The following SGCG variants were observed in gnomAD, a reference collection of about 807,000 sequenced individuals.
The protein encoded by SGCG is sarcoglycan gamma.
Under a neutral mutation model 29.3 loss-of-function variants are expected in SGCG, and 26 were observed. That is an observed-to-expected ratio of 0.89 (90% CI 0.65 to 1.23). SGCG has a LOEUF of 1.23. SGCG is among the 50% of genes most tolerant of loss of function. The pLI, the probability that SGCG is intolerant of heterozygous loss-of-function variation, is 0.00. For missense variants in SGCG, 353 were observed against 356.0 expected (o/e 0.99, Z 0.07); for synonymous variants, 145 against 129.7 (o/e 1.12, Z -0.80).
intron 2 of SGCG, among the ~76,000 whole-genome samples, chr13:23,204,739 T>C (rs1489322853): frequency 7.2e-6 from 1 of 138,856 alleles, no homozygotes; most frequent in African/African-American, 2.7e-5. Flanking sequence ...GGAGTCTCAC[T>C]CTGTTGCCCA....
intron 4 of SGCG, among the ~76,000 whole-genome samples, chr13:23,254,359 G>A (rs1394325593): frequency 6.6e-6 from 1 of 152,174 alleles, no homozygotes; most frequent in Non-Finnish European, 1.5e-5. Flanking sequence ...GAGCTTAGCT[G>A]CATTGTGTCC....
chr13:23,176,237 A>G (rs1223897159), upstream of SGCG, among the ~76,000 whole-genome samples: 1 of 152,168 alleles, frequency 6.6e-6, no homozygotes, highest in Non-Finnish European at 1.5e-5. Context: ...AAAAACTAAT[A>G]AAGCTGGTGT....
chr13:23,279,709 C>CCCTGCCTTCCTTCCTTCCTTCCTT (rs1881229424), intron 5 of SGCG, among the ~76,000 whole-genome samples: 1 of 148,032 alleles, frequency 6.8e-6, no homozygotes, highest in African/African-American at 2.4e-5. Flanking sequence ...TACCCTTTGT[C>CCCTGCCTTCCTTCCTTCCTTCCTT]CCTTCCTTCC....
rs928157820 is a variant in SGCG at position 23,242,089 on chromosome 13, G to A, written c.297+7377G>A. 2.6e-5 allele frequency among the ~76,000 whole-genome samples: 4 copies of A among 152,126 alleles called. No homozygotes were observed. In the South Asian group the frequency reaches 8.3e-4, roughly 31 times the overall value. On this transcript the variant is annotated intron_variant, in intron 3 of 7. Transcript: ENST00000218867. Reference sequence around the variant, plus strand: ...TTATCAATATCAGTGATGGTAGAAGGGACACTGCTATGAATCCCACAGACA... The same window carrying A: ...TTATCAATATCAGTGATGGTAGAAGAGACACTGCTATGAATCCCACAGACA...
chr13:23,189,397 G>A (rs930350371), intron 1 of SGCG, among the ~76,000 whole-genome samples: 12 of 152,260 alleles, frequency 7.9e-5, no homozygotes, highest in African/African-American at 2.6e-4. Context: ...GGCTGGTGTC[G>A]AACTCCTGAG....
chr13:23,276,280 G>A (rs547967980), intron 4 of SGCG, among the ~76,000 whole-genome samples: 13 of 152,092 alleles, frequency 8.5e-5, no homozygotes, highest in African/African-American at 2.6e-4. Flanking sequence ...AGTGGAAAGC[G>A]TATTTAAATT....
chr13:23,303,940 A>C (rs986267640), intron 6 of SGCG, among the ~76,000 whole-genome samples: 1 of 152,146 alleles, frequency 6.6e-6, no homozygotes, highest in Non-Finnish European at 1.5e-5. Context: ...AAATATTTTA[A>C]ATTTTGCCAA....
chr13:23,212,237 G>A (rs573079910), intron 2 of SGCG, among the ~76,000 whole-genome samples: 5 of 152,220 alleles, frequency 3.3e-5, no homozygotes, highest in South Asian at 2.1e-4. Flanking sequence ...TTGGCATTTC[G>A]TTGTAGCAAT....
chr13:23,200,549 AC>A (rs2137495955), intron 1 of SGCG, among the ~76,000 whole-genome samples: 1 of 152,314 alleles, frequency 6.6e-6, no homozygotes, highest in Non-Finnish European at 1.5e-5. Flanking sequence ...CGAGGGTAAA[AC>A]AAAATAACAA....
chr13:23,182,105 T>C (rs988534033), intron 1 of SGCG, among the ~76,000 whole-genome samples: 8 of 152,208 alleles, frequency 5.3e-5, no homozygotes, highest in South Asian at 2.1e-4. Flanking sequence ...CCAAAAGATA[T>C]CAGCTAAGCT....
At chr13:23,236,952 A>C (rs1243012442) in intron 3 of SGCG, among the ~76,000 whole-genome samples, 2 of 152,118 alleles carry the variant, frequency 1.3e-5, no homozygotes, top group Non-Finnish European at 2.9e-5. Context: ...ATGCTTCCTA[A>C]CTTCTGTATG....
intron 4 of SGCG, among the ~76,000 whole-genome samples, chr13:23,264,904 A>G (rs1880579468): frequency 6.6e-6 from 1 of 152,116 alleles, no homozygotes; most frequent in African/African-American, 2.4e-5. Flanking sequence ...CTGGATTTCT[A>G]CTCTCACCAT....
At chr13:23,324,271 G>A in intron 7 of SGCG, 97 bp from the exon 8 acceptor site, 1 of 1,161,040 alleles carries the variant, frequency 8.6e-7, no homozygotes, top group Non-Finnish European at 1.3e-6. Context: ...TTTCTATGAG[G>A]AGAAGAAACT....
At chr13:23,286,322 G>A (rs1376731547) in intron 5 of SGCG, among the ~76,000 whole-genome samples, 2 of 152,196 alleles carry the variant, frequency 1.3e-5, no homozygotes, top group African/African-American at 4.8e-5. Flanking sequence ...GAAATGATGA[G>A]AAATACTGGA....
chr13:23,319,034 T>C (rs1882931962), intron 6 of SGCG, among the ~76,000 whole-genome samples: 1 of 152,172 alleles, frequency 6.6e-6, no homozygotes, highest in East Asian at 1.9e-4. Flanking sequence ...GCGTGGTGGC[T>C]CACGCCTGTA....
chr13:23,306,483 G>T (rs1882365504), intron 6 of SGCG, among the ~76,000 whole-genome samples: 1 of 152,064 alleles, frequency 6.6e-6, no homozygotes, highest in African/African-American at 2.4e-5. Context: ...TTTGTGTAGT[G>T]GTCTGAAAGT....
chr13:23,201,842 T>C (rs1225417302), intron 1 of SGCG, among the ~76,000 whole-genome samples: 1 of 152,210 alleles, frequency 6.6e-6, no homozygotes, highest in African/African-American at 2.4e-5. Context: ...TCAGACTCCC[T>C]GGCCACCCTT....
intron 6 of SGCG, among the ~76,000 whole-genome samples, chr13:23,316,767 G>C (rs1882829829): frequency 6.6e-6 from 1 of 152,178 alleles, no homozygotes; most frequent in African/African-American, 2.4e-5. Flanking sequence ...AGGGAGGACT[G>C]CTGCCACCAG....
At chr13:23,289,255 A>T (rs1593090936) in intron 5 of SGCG, among the ~76,000 whole-genome samples, 1 of 152,200 alleles carries the variant, frequency 6.6e-6, no homozygotes, top group African/African-American at 2.4e-5. Context: ...TGAAAGGAAC[A>T]AGAGTCCCAA....
Sources: gnomAD v4.1 joint callset for allele counts (sites outside exome capture counted in the v4.1 genomes callset) on GRCh38, gnomAD v4.1.1 for gene constraint, MANE v1.5 for transcripts, NCBI Gene and HGNC (gene_info 2026-07-23, HGNC 2026-07-21) for gene names.